Variants in RTCB observed in about 807,000 individuals in gnomAD.
RTCB encodes the protein RNA 2',3'-cyclic phosphate and 5'-OH ligase, also known as RNA-splicing ligase RTCB.
RTCB carries 32 observed loss-of-function variants against 58.2 expected under a neutral mutation model. The observed-to-expected ratio is 0.55, with a 90% confidence interval of 0.41 to 0.74. The LOEUF is 0.74. Ranked by LOEUF, RTCB falls within the 30% of genes least tolerant of loss-of-function variation. RTCB has a pLI of 0.00. For missense variants in RTCB, 523 were observed against 639.0 expected, an observed-to-expected ratio of 0.82 and a Z score of 1.96; for synonymous variants, 247 against 218.6, an observed-to-expected ratio of 1.13 and a Z score of -1.15.
Position 32,394,005 on chromosome 22 carries a change from G to A in RTCB, c.1180-3C>T, listed in dbSNP as rs148996874. ...ATGAGCACTGGCTGTCCAGTGAGCT[G>A]AGGATGCACATAAATCAAACATGTT... On this transcript the variant is annotated splice_region_variant and splice_polypyrimidine_tract_variant and intron_variant, in intron 9 of 11. Coordinates refer to ENST00000216038, the MANE Select transcript of RTCB (RefSeq NM_014306.5). 3 of 1,587,440 alleles carry A rather than the reference G, an allele frequency of 1.9e-6. No homozygotes were observed. The highest frequency in any genetic ancestry group is 1.3e-5 in the African/African-American group (1 of 74,500).
rs533945392 is a variant in RTCB at position 32,408,722 on chromosome 22, G to A, written c.172+33C>T. On this transcript the variant is annotated intron_variant, in intron 2 of 11. Transcript: ENST00000216038. ...TTCAGGCCACAGGGAAGGCACTACCGTACTAACACAAGTGAAACTCTAATG... is the reference window on the plus strand; with the variant it reads ...TTCAGGCCACAGGGAAGGCACTACCATACTAACACAAGTGAAACTCTAATG... 403 of 1,495,122 alleles carry A rather than the reference G, an allele frequency of 2.7e-4. 5 individuals are homozygous for A. In the South Asian group the frequency reaches 4.2e-3, roughly 16 times the overall value. 92.6% of individuals were successfully genotyped at this position (1,495,122 alleles called of 1,614,324 possible). A position where few individuals can be genotyped will look rare whatever the true frequency, so the allele number is the denominator to read the frequency against.
intron 4 of RTCB, among the ~76,000 whole-genome samples, chr22:32,403,545 A>G (rs954430751): frequency 2.2e-4 from 34 of 152,234 alleles, no homozygotes; most frequent in African/African-American, 8.0e-4. Flanking sequence ...TCTGGTGAGA[A>G]CATTTAAGAT....
Position 32,399,603 on chromosome 22 carries a change from C to A in RTCB, c.654G>T (p.Gln218His). ...SARAKKRGLPQLGTLGAGNHY... is the reference protein window; with the variant it reads ...SARAKKRGLPHLGTLGAGNHY... ...ATGTTGCCCCTCCAAAGTGAGTTAC[C>A]TGAGGAAGGCCTCTTTTCTTCGCCC... The change falls in exon 6 of 12, where the codon CAG (glutamine) becomes CAT (histidine). Residue 218 changes from glutamine to histidine, a missense_variant and splice_region_variant. Coordinates refer to ENST00000216038, the MANE Select transcript of RTCB (RefSeq NM_014306.5). 6.2e-7 allele frequency: 1 copy of A among 1,609,210 alleles called. No individual in the cohort carries two copies. Among genetic ancestry groups the A allele is most frequent in the Non-Finnish European group, 8.5e-7 (1 of 1,177,400 alleles).
chr22:32,397,471 C>A (rs1933265026), intron 7 of RTCB, among the ~76,000 whole-genome samples: 1 of 152,220 alleles, frequency 6.6e-6, no homozygotes. Flanking sequence ...TTTAAATGGA[C>A]ATGACCTTTA....
At chr22:32,398,142 G>C in intron 6 of RTCB, 42 bp from the exon 7 acceptor site, 1 of 1,383,512 alleles carries the variant, frequency 7.2e-7, no homozygotes, top group Non-Finnish European at 9.8e-7. Context: ...TTTTATTCCA[G>C]TTTTTTTTTT....
At position 32,403,406 on chromosome 22, in the gene RTCB, C is replaced by CA. The variant is rs1162217463; in HGVS notation, c.341-1504dup. 4.7e-3 allele frequency among the ~76,000 whole-genome samples: 648 copies of CA among 138,144 alleles called. 2 individuals carry two copies. Among genetic ancestry groups the CA allele is most frequent in the African/African-American group, 0.016 (587 of 37,184 alleles). The allele number at this position is 138,144 out of a possible 152,430, so 90.6% of individuals were successfully genotyped here. A position where few individuals can be genotyped will look rare whatever the true frequency, so the allele number is the denominator to read the frequency against. ...CGGGCAACAGAGCGAGACTCCGTCT[C>CA]AAAAAAAAAAGAAAAAAAAACCTGT... On this transcript the variant is annotated intron_variant, in intron 4 of 11. Coordinates refer to ENST00000216038, the MANE Select transcript of RTCB (RefSeq NM_014306.5).
intron 5 of RTCB, chr22:32,400,011 T>G (rs1470495063): frequency 6.0e-6 from 2 of 333,264 alleles, no homozygotes; most frequent in African/African-American, 4.2e-5. Flanking sequence ...TTTATACTGC[T>G]CCTTGTTAAT....
intron 1 of RTCB, among the ~76,000 whole-genome samples, chr22:32,411,208 G>A (rs1242968416): frequency 1.3e-5 from 2 of 152,220 alleles, no homozygotes; most frequent in Non-Finnish European, 2.9e-5. Context: ...TTACCAAGAC[G>A]TGAGACGAGA....
In RTCB at chr22:32,406,766, A is replaced by G; in HGVS notation, c.241-5T>C. On this transcript the variant is annotated splice_polypyrimidine_tract_variant and splice_region_variant and intron_variant, in intron 3 of 11. Coordinates refer to ENST00000216038, the MANE Select transcript of RTCB (RefSeq NM_014306.5). ...ATCAGGAAGCCCAATAGATCGCTGA[A>G]AAAGAATTAGAAAATGAAATACAAG... 6.2e-7 allele frequency: 1 copy of G among 1,601,636 alleles called. No individual in the cohort carries two copies. The highest frequency in any genetic ancestry group is 8.6e-7 in the Non-Finnish European group (1 of 1,169,450).
chr22:32,395,843 C>G (rs561979808), intron 8 of RTCB, among the ~76,000 whole-genome samples: 79 of 152,188 alleles, frequency 5.2e-4, no homozygotes, highest in Non-Finnish European at 8.4e-4. Context: ...TACATGCACC[C>G]GCCACGACGA....
At chr22:32,404,942 C>G (rs1441651664) in intron 4 of RTCB, among the ~76,000 whole-genome samples, 3 of 152,096 alleles carry the variant, frequency 2.0e-5, no homozygotes, top group Admixed American at 1.3e-4. Context: ...CCGCCTTGGC[C>G]TCCCAAAGTG....
At chr22:32,392,561 T>C (rs1179927732) in intron 10 of RTCB, 1 of 730,260 alleles carries the variant, frequency 1.4e-6, no homozygotes, top group East Asian at 2.7e-5. Context: ...ATGCAGGGTA[T>C]TCAGCAGCGC....
At chr22:32,392,593 T>G (rs959390292) in intron 10 of RTCB, 4 of 657,458 alleles carry the variant, frequency 6.1e-6, no homozygotes, top group African/African-American at 5.4e-5. Context: ...TTCAGCAGCA[T>G]CCCTCGCCTC....
intron 3 of RTCB, 145 bp from the exon 4 acceptor site, chr22:32,406,906 C>A: frequency 1.8e-6 from 1 of 559,768 alleles, no homozygotes; most frequent in Non-Finnish European, 3.2e-6. Context: ...CTTCTATATG[C>A]ATGGAAATAG....
intron 1 of RTCB, among the ~76,000 whole-genome samples, chr22:32,409,739 C>T (rs1398138920): frequency 6.6e-6 from 1 of 152,146 alleles, no homozygotes; most frequent in Non-Finnish European, 1.5e-5. Flanking sequence ...GAAGCACTGT[C>T]CTGGGCACTA....
chr22:32,397,487 T>C (rs1007468112), intron 7 of RTCB, among the ~76,000 whole-genome samples: 1 of 152,264 alleles, frequency 6.6e-6, no homozygotes, highest in Non-Finnish European at 1.5e-5. Context: ...CTTTACTTCA[T>C]GAGACAATTT....
chr22:32,395,002 A>G (rs1403272428), intron 9 of RTCB, 24 bp downstream of exon 9: 3 of 1,587,228 alleles, frequency 1.9e-6, no homozygotes, highest in African/African-American at 1.3e-5. Context: ...CACTGCTTAA[A>G]ACTACAAACG....
At chr22:32,399,908 A>G in intron 5 of RTCB, 149 bp from the exon 6 acceptor site, 2 of 625,020 alleles carry the variant, frequency 3.2e-6, no homozygotes, top group Non-Finnish European at 5.2e-6. Flanking sequence ...TTAAGCTCTC[A>G]GTAACTGGTT....
At chr22:32,396,484 G>C (rs150478601) in intron 7 of RTCB, among the ~76,000 whole-genome samples, 2 of 152,360 alleles carry the variant, frequency 1.3e-5, no homozygotes, top group Non-Finnish European at 2.9e-5. Context: ...TTGCCCTCTA[G>C]GAACTTGAAA....
Sources: gnomAD v4.1 joint callset for allele counts (sites outside exome capture counted in the v4.1 genomes callset) on GRCh38, gnomAD v4.1.1 for gene constraint, MANE v1.5 for transcripts, NCBI Gene and HGNC (gene_info 2026-07-23, HGNC 2026-07-21) for gene names.